Variants in KCNIP4 observed in about 807,000 individuals in gnomAD.
The protein encoded by KCNIP4 is Kv channel-interacting protein 4.
KCNIP4 carries 12 observed loss-of-function variants against 34.0 expected under a neutral mutation model. The observed-to-expected ratio is 0.35, with a 90% CI of 0.23 to 0.57. KCNIP4 has a LOEUF of 0.57. Among genes scored for constraint, KCNIP4 ranks in the 20% least tolerant of loss-of-function variants. KCNIP4 has a pLI of 0.83. For missense variants in KCNIP4, 238 were observed against 311.7 expected (o/e 0.76, Z 1.78); for synonymous variants, 124 against 102.2 (o/e 1.21, Z -1.29).
chr4:21,010,944 G>A (rs929326653), intron 1 of KCNIP4, among the ~76,000 whole-genome samples: 15 of 152,224 alleles, frequency 9.9e-5, no homozygotes, highest in East Asian at 5.8e-4. Flanking sequence ...GTGAATTTGC[G>A]TTGGATCACC....
intron 1 of KCNIP4, among the ~76,000 whole-genome samples, chr4:21,238,254 C>T (rs1452921559): frequency 2.0e-5 from 3 of 152,210 alleles, no homozygotes; most frequent in Non-Finnish European, 4.4e-5. Flanking sequence ...CTATTTATGA[C>T]AAACCCACAG....
chr4:21,075,521 G>A (rs1240299110), intron 1 of KCNIP4, among the ~76,000 whole-genome samples: 4 of 151,810 alleles, frequency 2.6e-5, no homozygotes, highest in African/African-American at 9.7e-5. Flanking sequence ...TGTATTTTGA[G>A]CCTATGTGTG....
chr4:21,698,057 T>C (rs1194975688), intron 1 of KCNIP4, among the ~76,000 whole-genome samples: 1 of 152,130 alleles, frequency 6.6e-6, no homozygotes, highest in African/African-American at 2.4e-5. Context: ...GTTAATCAGA[T>C]TCAGGAAGGC....
At chr4:21,175,719 C>T (rs951850062) in intron 1 of KCNIP4, among the ~76,000 whole-genome samples, 3 of 152,102 alleles carry the variant, frequency 2.0e-5, no homozygotes, top group African/African-American at 7.2e-5. Flanking sequence ...ATTCATGTCC[C>T]AAGCAGGAAA....
In KCNIP4 at chr4:21,340,717, C is replaced by T. The variant is rs147141659; in HGVS notation, c.62-458008G>A. Among the ~76,000 whole-genome samples the T allele has an allele frequency of 2.5e-3, 382 of 152,004 alleles. 1 individual carries two copies. The highest frequency in any genetic ancestry group is 8.9e-3 in the African/African-American group (368 of 41,474). On this transcript the variant is annotated intron_variant, in intron 1 of 8. Transcript: ENST00000382152. ...ATATTTCTAGTTTTCAGAACACAAA[C>T]TTCTCAGATACACAAACAAGGCTGC...
chr4:21,776,832 G>A (rs1053888061), intron 1 of KCNIP4, among the ~76,000 whole-genome samples: 35 of 151,886 alleles, frequency 2.3e-4, no homozygotes, highest in African/African-American at 7.5e-4. Flanking sequence ...ATACAATCTC[G>A]GCTCCTTTCA....
chr4:21,582,052 G>A (rs1225280446), intron 1 of KCNIP4: 40 of 148,504 alleles, frequency 2.7e-4, no homozygotes, highest in African/African-American at 8.9e-4. Context: ...GGAATGGAAT[G>A]GAATGGAATG....
At chr4:20,871,478 A>G (rs530663222) in intron 2 of KCNIP4, among the ~76,000 whole-genome samples, 1 of 152,132 alleles carries the variant, frequency 6.6e-6, no homozygotes, top group Non-Finnish European at 1.5e-5. Context: ...AAAAAAATTA[A>G]AAGGGCCAGG....
intron 1 of KCNIP4, among the ~76,000 whole-genome samples, chr4:21,269,818 AGAAAGAACAGG>A (rs1374129889): frequency 3.9e-5 from 6 of 152,198 alleles, no homozygotes; most frequent in Non-Finnish European, 7.3e-5. Flanking sequence ...GCAGCTGCAT[AGAAAGAACAGG>A]GACTCAAGAG....
chr4:21,261,831 A>G (rs1246420490), intron 1 of KCNIP4, among the ~76,000 whole-genome samples: 2 of 152,142 alleles, frequency 1.3e-5, no homozygotes, highest in African/African-American at 4.8e-5. Context: ...TAAATTACAG[A>G]ATGACAGCCC....
intron 1 of KCNIP4, among the ~76,000 whole-genome samples, chr4:21,793,259 T>C (rs1050761587): frequency 2.6e-5 from 4 of 152,328 alleles, no homozygotes; most frequent in Middle Eastern, 3.4e-3. Flanking sequence ...CAAGTAGTTA[T>C]TCTTTTTTGA....
At chr4:21,492,060 C>T (rs537945674) in intron 1 of KCNIP4, among the ~76,000 whole-genome samples, 25 of 152,180 alleles carry the variant, frequency 1.6e-4, no homozygotes, top group Non-Finnish European at 2.8e-4. Flanking sequence ...TGATGTTAAA[C>T]GTGAGTATCT....
rs563812164 is a variant in KCNIP4 at position 21,641,795 on chromosome 4, G to A, written c.61+306776C>T. Among the ~76,000 whole-genome samples, 33 of 152,256 alleles carry A rather than the reference G, an allele frequency of 2.2e-4. 1 individual carries two copies. In the South Asian group the frequency reaches 4.6e-3, roughly 21 times the overall value. ...AGTGGACATTGTAGCAGGGACGTAG[G>A]TTATGCATTGGCTCAGAAACACGAA... On this transcript the variant is annotated intron_variant, in intron 1 of 8. Coordinates refer to ENST00000382152, the MANE Select transcript of KCNIP4 (RefSeq NM_025221.6).
intron 1 of KCNIP4, among the ~76,000 whole-genome samples, chr4:20,993,938 C>T (rs966366438): frequency 6.6e-6 from 1 of 152,166 alleles, no homozygotes; most frequent in African/African-American, 2.4e-5. Context: ...CATATCTTGG[C>T]TTGTGGCCCC....
chr4:21,488,447 TA>T (rs1247353189), intron 1 of KCNIP4, among the ~76,000 whole-genome samples: 1 of 152,158 alleles, frequency 6.6e-6, no homozygotes, highest in Non-Finnish European at 1.5e-5. Context: ...TGAATTTTCT[TA>T]AGCCTGGGAG....
intron 1 of KCNIP4, among the ~76,000 whole-genome samples, chr4:21,259,720 G>A (rs541523194): frequency 9.9e-5 from 15 of 152,138 alleles, no homozygotes; most frequent in Non-Finnish European, 2.2e-4. Context: ...AACAAATAAG[G>A]CATTCAGTTT....
intron 1 of KCNIP4, among the ~76,000 whole-genome samples, chr4:21,143,838 G>A (rs1283770633): frequency 6.6e-6 from 1 of 151,480 alleles, no homozygotes; most frequent in Non-Finnish European, 1.5e-5. Flanking sequence ...GAGTAGCTGG[G>A]ATTACAGGCA....
At chr4:21,837,906 G>A (rs112581449) in intron 1 of KCNIP4, among the ~76,000 whole-genome samples, 52 of 152,226 alleles carry the variant, frequency 3.4e-4, no homozygotes, top group African/African-American at 1.2e-3. Context: ...ATTTTGGGCA[G>A]CACTGGGCCA....
intron 1 of KCNIP4, among the ~76,000 whole-genome samples, chr4:21,557,397 G>C (rs2109026308): frequency 6.6e-6 from 1 of 152,214 alleles, no homozygotes; most frequent in Middle Eastern, 3.4e-3. Flanking sequence ...ACTGAAAATT[G>C]CCACCATATC....
Sources: gnomAD v4.1 joint callset for allele counts (sites outside exome capture counted in the v4.1 genomes callset) on GRCh38, gnomAD v4.1.1 for gene constraint, MANE v1.5 for transcripts, NCBI Gene and HGNC (gene_info 2026-07-23, HGNC 2026-07-21) for gene names.